The following CDH9 variants were observed in gnomAD, a reference collection of about 807,000 sequenced individuals.
The protein encoded by CDH9 is cadherin 9, also known as cadherin-9.
A neutral mutation model predicts 70.9 loss-of-function variants in CDH9; 28 were observed. The observed-to-expected ratio is 0.40, with a 90% confidence interval of 0.29 to 0.54. CDH9 has a LOEUF of 0.54. Ranked by LOEUF, CDH9 falls within the 20% of genes least tolerant of loss-of-function variation. The pLI is 0.59. For missense variants in CDH9, 874 were observed against 984.4 expected, an observed-to-expected ratio of 0.89 and a Z score of 1.50; for synonymous variants, 409 against 343.1, an observed-to-expected ratio of 1.19 and a Z score of -2.12.
In CDH9 at chr5:26,947,279, C is replaced by A. The variant is rs567833781; in HGVS notation, c.229-31355G>T. ...TTCCCTTTTAAACAATTTTTCATGG[C>A]TAGTAAGCTAAATTTCTATTCATAG... On this transcript the variant is annotated intron_variant, in intron 2 of 11. Coordinates refer to ENST00000231021, the MANE Select transcript of CDH9 (RefSeq NM_016279.4). Among the ~76,000 whole-genome samples the A allele has an allele frequency of 3.3e-5, 5 of 152,122 alleles. No homozygotes were observed. The South Asian group carries it at 6.2e-4, about 19-fold the overall frequency.
At chr5:26,932,353 G>T (rs943796015) in intron 2 of CDH9, among the ~76,000 whole-genome samples, 2 of 151,562 alleles carry the variant, frequency 1.3e-5, no homozygotes, top group Non-Finnish European at 2.9e-5. Flanking sequence ...GAATATAATG[G>T]TATGCAAAGC....
At chr5:27,031,571 T>G (rs922931555) in intron 1 of CDH9, among the ~76,000 whole-genome samples, 8 of 151,966 alleles carry the variant, frequency 5.3e-5, no homozygotes, top group Non-Finnish European at 1.2e-4. Context: ...ATTTATTCAA[T>G]GTAAGACTTC....
intron 2 of CDH9, among the ~76,000 whole-genome samples, chr5:26,945,799 G>C (rs906712509): frequency 1.3e-5 from 2 of 152,150 alleles, no homozygotes; most frequent in African/African-American, 4.8e-5. Flanking sequence ...AAAGGGCTAA[G>C]TCAAATAAAG....
At chr5:26,883,332 C>G (rs1378657581) in intron 11 of CDH9, among the ~76,000 whole-genome samples, 1 of 151,404 alleles carries the variant, frequency 6.6e-6, no homozygotes, top group Non-Finnish European at 1.5e-5. Flanking sequence ...TGTACTAATT[C>G]CCACAAATGG....
chr5:26,962,926 T>C (rs1341219120), intron 2 of CDH9, among the ~76,000 whole-genome samples: 1 of 152,178 alleles, frequency 6.6e-6, no homozygotes, highest in African/African-American at 2.4e-5. Flanking sequence ...AACCAAAATT[T>C]TCTTAATAAA....
intron 7 of CDH9, among the ~76,000 whole-genome samples, 174 bp downstream of exon 7, chr5:26,902,302 C>G (rs752189495): frequency 7.3e-5 from 11 of 151,706 alleles, no homozygotes; most frequent in Admixed American, 6.6e-5. Context: ...GGTATTATTA[C>G]TGTGCTTGAT....
In CDH9 at chr5:26,972,865, A is replaced by AT. The variant is rs5866814; in HGVS notation, c.228+15240dup. On this transcript the variant is annotated intron_variant, in intron 2 of 11. Transcript: ENST00000231021. ...TGTAGCAAAGTAATAGTAAACTCAG[A>AT]TTTTTTTTTTTTTTTTGAAATGAAG... Among the ~76,000 whole-genome samples the AT allele has an allele frequency of 4.2e-3, 595 of 143,346 alleles. 3 individuals carry two copies. Among genetic ancestry groups the AT allele is most frequent in the Middle Eastern group, 0.015 (4 of 274 alleles). The allele number at this position is 143,346 out of a possible 152,430, so 94.0% of individuals were successfully genotyped here.
rs1284509885 is a variant in CDH9 at position 27,016,778 on chromosome 5, G to GA, written c.-50+21684dup. Among the ~76,000 whole-genome samples the GA allele has an allele frequency of 1.6e-4, 24 of 151,844 alleles. No homozygotes were observed. In the Admixed American group the frequency reaches 1.6e-3, roughly 10 times the overall value. ...TTGTGAGATTTTGGTGAGATTGAGA[G>GA]AAAAAATAAAGAAGCACAGAGAAAG... On this transcript the variant is annotated intron_variant, in intron 1 of 11. Transcript: ENST00000231021.
chr5:26,900,144 ATAAT>A (rs1217253492), intron 7 of CDH9, among the ~76,000 whole-genome samples: 1 of 152,076 alleles, frequency 6.6e-6, no homozygotes, highest in African/African-American at 2.4e-5. Context: ...AGCTCATTAA[ATAAT>A]TAGATAACCA....
intron 1 of CDH9, among the ~76,000 whole-genome samples, chr5:27,013,347 G>T (rs1322974979): frequency 6.6e-6 from 1 of 151,900 alleles, no homozygotes; most frequent in African/African-American, 2.4e-5. Flanking sequence ...GTCTGGTGCT[G>T]CCTGATCCAT....
At chr5:26,948,107 G>A (rs1414076570) in intron 2 of CDH9, among the ~76,000 whole-genome samples, 4 of 152,214 alleles carry the variant, frequency 2.6e-5, no homozygotes, top group South Asian at 2.1e-4. Context: ...TCTGTGGTCA[G>A]ACAAATCAAA....
In CDH9 at chr5:27,000,059, AT is replaced by A. The variant is rs575138291; in HGVS notation, c.-49-11678del. On this transcript the variant is annotated intron_variant, in intron 1 of 11. Transcript: ENST00000231021. ...TGGATTCTGTTAAAATTGAAAACTT[AT>A]TTTTTTGTGTAAAACAGTGTTAAGA... Among the ~76,000 whole-genome samples the A allele has an allele frequency of 5.3e-5, 8 of 152,218 alleles. No homozygotes were observed. The South Asian group carries it at 8.3e-4, about 16-fold the overall frequency.
rs1189210576 is a variant in CDH9, at chr5:26,951,301, A to C, written c.229-35377T>G. Among the ~76,000 whole-genome samples the C allele has an allele frequency of 1.1e-4, 16 of 150,354 alleles. 1 individual carries two copies. Among genetic ancestry groups the C allele is most frequent in the Admixed American group, 9.3e-4 (14 of 15,088 alleles). ...AGCAAGACTCTGTCTCAAAAAAAAAAAAAAAAAAAAAAAAAAGGTATGTGC... is the reference window on the plus strand; with the variant it reads ...AGCAAGACTCTGTCTCAAAAAAAAACAAAAAAAAAAAAAAAAGGTATGTGC... On this transcript the variant is annotated intron_variant, in intron 2 of 11. Transcript: ENST00000231021.
In CDH9 at chr5:26,954,388, C is replaced by CTTTTTTTTTTTTTTTTTTTTTTTTTTT. The variant is rs59882843; in HGVS notation, c.228+33717_228+33718insAAAAAAAAAAAAAAAAAAAAAAAAAAA. ...AGCTTTTCGCTATTATACAGCCTTTCTTTTTTTTTTTTTTGAGACATAGTC... is the reference window on the plus strand; with the variant it reads ...AGCTTTTCGCTATTATACAGCCTTTCTTTTTTTTTTTTTTTTTTTTTTTTTTTTTTTTTTTTTTTTTGAGACATAGTC... On this transcript the variant is annotated intron_variant, in intron 2 of 11. Coordinates refer to ENST00000231021, the MANE Select transcript of CDH9 (RefSeq NM_016279.4). 2.0e-3 allele frequency among the ~76,000 whole-genome samples: 183 copies of CTTTTTTTTTTTTTTTTTTTTTTTTTTT among 93,034 alleles called. 31 individuals carry two copies. Among genetic ancestry groups the CTTTTTTTTTTTTTTTTTTTTTTTTTTT allele is most frequent in the Non-Finnish European group, 2.5e-3 (130 of 52,260 alleles). The allele number at this position is 93,034 out of a possible 152,430, so 61.0% of individuals were successfully genotyped here. A position where few individuals can be genotyped will look rare whatever the true frequency, so the allele number is the denominator to read the frequency against.
chr5:26,900,355 T>C (rs1424718015), intron 7 of CDH9, among the ~76,000 whole-genome samples: 2 of 152,076 alleles, frequency 1.3e-5, no homozygotes, highest in Non-Finnish European at 2.9e-5. Flanking sequence ...TACTTCCATT[T>C]TACCAAATTT....
intron 1 of CDH9, among the ~76,000 whole-genome samples, chr5:26,993,997 T>C (rs1022528012): frequency 6.6e-6 from 1 of 152,142 alleles, no homozygotes; most frequent in African/African-American, 2.4e-5. Flanking sequence ...GTTTGCCTTG[T>C]TGGGTTTTAA....
At chr5:26,977,276 C>A (rs906990709) in intron 2 of CDH9, among the ~76,000 whole-genome samples, 2 of 151,802 alleles carry the variant, frequency 1.3e-5, no homozygotes, top group Non-Finnish European at 2.9e-5. Context: ...ATCTAAAGGA[C>A]TTTGAAAGTC....
chr5:26,932,121 G>A (rs1741473995), intron 2 of CDH9, among the ~76,000 whole-genome samples: 1 of 58,582 alleles, frequency 1.7e-5, no homozygotes, highest in Admixed American at 2.7e-4. Flanking sequence ...TCAAATATTT[G>A]AATATCATTT....
intron 1 of CDH9, among the ~76,000 whole-genome samples, chr5:26,999,033 C>A (rs1005471433): frequency 1.3e-5 from 2 of 151,782 alleles, no homozygotes; most frequent in South Asian, 4.2e-4. Context: ...GATCAAGAGG[C>A]CAGGAGATCG....
Sources: allele counts gnomAD v4.1 joint callset (sites outside exome capture counted in the v4.1 genomes callset), GRCh38; gene constraint gnomAD v4.1.1; transcripts MANE v1.5; gene names NCBI Gene and HGNC (gene_info 2026-07-23, HGNC 2026-07-21).